SPON2: variants seen among roughly 807,000 people sequenced by gnomAD.
SPON2 encodes the protein spondin 2, also known as spondin-2.
SPON2 carries 32 observed loss-of-function variants against 29.9 expected under a neutral mutation model. That is an observed-to-expected ratio of 1.07 (90% CI 0.81 to 1.44). The LOEUF (loss-of-function observed/expected upper bound fraction) is 1.44, where lower values mean the gene tolerates loss of function less well. SPON2 is among the 40% of genes most tolerant of loss of function. The probability of loss-of-function intolerance (pLI) is 0.00; values close to 1 mark genes in which losing one functional copy is unlikely to be tolerated. For missense variants in SPON2, 541 were observed against 455.5 expected (o/e 1.19, Z -1.71); for synonymous variants, 248 against 209.1 (o/e 1.19, Z -1.61).
chr4:1,174,612 A>T (rs1727556854), upstream of SPON2, among the ~76,000 whole-genome samples: 1 of 152,240 alleles, frequency 6.6e-6, no homozygotes, highest in Non-Finnish European at 1.5e-5. Context: ...ATCATAACAG[A>T]AATGTTCAGA....
chr4:1,191,420 G>T (rs1326464850), intron 1 of SPON2, among the ~76,000 whole-genome samples: 2 of 152,132 alleles, frequency 1.3e-5, no homozygotes, highest in African/African-American at 4.8e-5. Context: ...GCAAAAGAAG[G>T]TATTTGGACT....
At chr4:1,189,227 A>G (rs915285156) in intron 1 of SPON2, among the ~76,000 whole-genome samples, 1 of 152,104 alleles carries the variant, frequency 6.6e-6, no homozygotes, top group Admixed American at 6.6e-5. Context: ...ACTAAATAAA[A>G]AGAGATCTCA....
chr4:1,184,417 T>C (rs1727754237), intron 1 of SPON2, among the ~76,000 whole-genome samples: 1 of 151,596 alleles, frequency 6.6e-6, no homozygotes, highest in Non-Finnish European at 1.5e-5. Context: ...AGGGAAAGGG[T>C]GAAAAAAGGG....
intron 1 of SPON2, among the ~76,000 whole-genome samples, chr4:1,187,307 C>G (rs991464104): frequency 6.6e-6 from 1 of 152,142 alleles, no homozygotes; most frequent in Non-Finnish European, 1.5e-5. Context: ...AGATGAGGTA[C>G]TTAGAATAGT....
intron 1 of SPON2, among the ~76,000 whole-genome samples, chr4:1,203,139 C>G (rs989875575): frequency 6.6e-6 from 1 of 152,234 alleles, no homozygotes; most frequent in Non-Finnish European, 1.5e-5. Flanking sequence ...GCACCTGGAT[C>G]TTGGACTCCC....
At chr4:1,192,494 G>C (rs1278368741) in intron 1 of SPON2, among the ~76,000 whole-genome samples, 5 of 152,180 alleles carry the variant, frequency 3.3e-5, no homozygotes, top group African/African-American at 1.2e-4. Context: ...TGCCATTTTC[G>C]GATTGGCATT....
At chr4:1,188,019 C>T (rs549080655) in intron 1 of SPON2, among the ~76,000 whole-genome samples, 7 of 150,868 alleles carry the variant, frequency 4.6e-5, no homozygotes, top group African/African-American at 1.5e-4. Flanking sequence ...CTGGCCAACA[C>T]GATGAAACAC....
intron 1 of SPON2, among the ~76,000 whole-genome samples, chr4:1,181,459 C>G (rs1727698733): frequency 2.0e-5 from 3 of 152,174 alleles, no homozygotes; most frequent in Admixed American, 6.5e-5. Flanking sequence ...AAGGCAGTGA[C>G]ATGGGGACCT....
chr4:1,193,391 C>G (rs895301561), intron 1 of SPON2, among the ~76,000 whole-genome samples: 1 of 145,042 alleles, frequency 6.9e-6, no homozygotes, highest in African/African-American at 2.4e-5. Flanking sequence ...CACGCCAGGC[C>G]TGGCCTCTCT....
intron 1 of SPON2, among the ~76,000 whole-genome samples, chr4:1,189,467 G>A (rs1369484592): frequency 6.6e-6 from 1 of 151,026 alleles, no homozygotes; most frequent in Non-Finnish European, 1.5e-5. Context: ...GACCAGCAGG[G>A]GCAAACGGTA....
At chr4:1,186,852 T>C (rs974726670) in intron 1 of SPON2, among the ~76,000 whole-genome samples, 4 of 152,146 alleles carry the variant, frequency 2.6e-5, no homozygotes, top group African/African-American at 9.7e-5. Context: ...TTAAGATGAC[T>C]ACTATCAAAA....
Position 1,171,297 on chromosome 4 carries a change from G to GGGC in SPON2, c.409_410insGCC (p.Ser137delinsCysPro). ...CCTGCGCTGCACCTCCAGCTCCGCC[G>GGGC]ACGTCTGCCCGGTGCCGCTGGGGAC... On this transcript the variant is annotated protein_altering_variant, in exon 3 of 6. Coordinates refer to ENST00000290902, the MANE Select transcript of SPON2 (RefSeq NM_012445.4). 6.3e-7 allele frequency: 1 copy of GGGC among 1,585,744 alleles called. No individual in the cohort carries two copies. Among genetic ancestry groups the GGGC allele is most frequent in the South Asian group, 1.1e-5 (1 of 88,692 alleles).
chr4:1,168,997 C>T (rs1267469223), intron 5 of SPON2, among the ~76,000 whole-genome samples: 1 of 152,206 alleles, frequency 6.6e-6, no homozygotes, highest in Non-Finnish European at 1.5e-5. Flanking sequence ...ACTCTGGTCC[C>T]TCGGCTGGCA....
intron 1 of SPON2, among the ~76,000 whole-genome samples, chr4:1,205,930 C>T (rs947771102): frequency 3.9e-5 from 6 of 152,178 alleles, no homozygotes; most frequent in South Asian, 4.1e-4. Context: ...AGCCATGCTC[C>T]GCCCGATGCC....
chr4:1,172,324 G>A, intron 1 of SPON2: 1 of 573,432 alleles, frequency 1.7e-6, no homozygotes, highest in East Asian at 3.0e-5. Flanking sequence ...CCGAGTCCCT[G>A]CAGCTTGCCG....
Position 1,170,406 on chromosome 4 carries a change from G to A in SPON2, c.807C>T (p.Ala269=). 1 of 1,612,750 alleles carries A rather than the reference G, an allele frequency of 6.2e-7. No homozygotes were observed. The highest frequency in any genetic ancestry group is 8.5e-7 in the Non-Finnish European group (1 of 1,179,616). The change falls in exon 5 of 6, where the codon GCC becomes GCT. Residue 269 remains alanine (A), a synonymous_variant. Transcript: ENST00000290902. ...TGTGACCTGTATGTCCGTTACCTGA[G>A]GCGCTGTCTACAATCTCATTGTCCC... ...PSRDNEIVDS[A]SVPETPLDCE...
chr4:1,175,243 C>A (rs555147839), upstream of SPON2, among the ~76,000 whole-genome samples: 142 of 152,354 alleles, frequency 9.3e-4, 2 homozygotes, highest in Admixed American at 3.6e-3. Context: ...GGGTCTGGGG[C>A]ATGTTCCTGT....
intron 1 of SPON2, among the ~76,000 whole-genome samples, chr4:1,182,185 C>G (rs1241460133): frequency 3.9e-5 from 6 of 152,054 alleles, no homozygotes; most frequent in Non-Finnish European, 8.8e-5. Context: ...AAAAGAATCA[C>G]AAGGCATACA....
intron 1 of SPON2, among the ~76,000 whole-genome samples, chr4:1,194,682 A>G (rs893620786): frequency 1.3e-5 from 2 of 152,038 alleles, no homozygotes; most frequent in Admixed American, 6.5e-5. Context: ...CGCTGCCGGG[A>G]CACCCTCCCC....
Sources: allele counts gnomAD v4.1 joint callset (sites outside exome capture counted in the v4.1 genomes callset), GRCh38; gene constraint gnomAD v4.1.1; transcripts MANE v1.5; gene names NCBI Gene and HGNC (gene_info 2026-07-23, HGNC 2026-07-21).